The following TIPARP variants were observed in gnomAD, a reference collection of about 807,000 sequenced individuals.
The protein encoded by TIPARP is TCDD inducible poly(ADP-ribose) polymerase.
TIPARP carries 12 observed loss-of-function variants against 56.5 expected under a neutral mutation model. That is an observed-to-expected ratio of 0.21 (90% CI 0.14 to 0.34). The LOEUF is 0.34. Ranked by LOEUF, TIPARP falls within the 10% of genes least tolerant of loss-of-function variation. The pLI is 1.00. For missense variants in TIPARP, 604 were observed against 781.6 expected, an observed-to-expected ratio of 0.77 and a Z score of 2.71; for synonymous variants, 296 against 265.7, an observed-to-expected ratio of 1.11 and a Z score of -1.11.
At chr3:156,691,607 G>T (rs368413506) in intron 2 of TIPARP, among the ~76,000 whole-genome samples, 1 of 152,132 alleles carries the variant, frequency 6.6e-6, no homozygotes, top group African/African-American at 2.4e-5. Context: ...TGTGGTGGCT[G>T]TTGAACATTT....
At chr3:156,678,741 T>C in intron 2 of TIPARP, 127 bp downstream of exon 2, 1 of 773,936 alleles carries the variant, frequency 1.3e-6, no homozygotes, top group South Asian at 1.9e-5. Context: ...ATTATTCTTT[T>C]GACTGTGCTG....
intron 1 of TIPARP, among the ~76,000 whole-genome samples, chr3:156,676,389 A>G (rs2108484152): frequency 6.6e-6 from 1 of 152,340 alleles, no homozygotes; most frequent in African/African-American, 2.4e-5. Flanking sequence ...ACATAGATTT[A>G]TGACTCTCCA....
chr3:156,695,230 T>TTTATTTA (rs1722682490), intron 3 of TIPARP, among the ~76,000 whole-genome samples: 2 of 22,630 alleles, frequency 8.8e-5, no homozygotes, highest in Non-Finnish European at 2.0e-4. Context: ...TTATTTATTT[T>TTTATTTA]GAGAGAGAGG....
chr3:156,677,736 A>G lies in TIPARP; in HGVS notation c.39A>G (p.Val13=). The change falls in exon 2 of 6, where the codon GTA becomes GTG. Residue 13 remains valine, a synonymous_variant. Coordinates refer to ENST00000295924, the MANE Select transcript of TIPARP (RefSeq NM_015508.5). The part of the protein sequence containing the change: ...METTEPEPDC[V]VQPPSPPDDF... ...CCACCGAACCTGAGCCAGACTGTGT[A>G]GTGCAGCCTCCCTCTCCTCCTGATG... 2 of 1,612,272 alleles carry G rather than the reference A, an allele frequency of 1.2e-6. No homozygotes were observed. Among genetic ancestry groups the G allele is most frequent in the East Asian group, 2.2e-5 (1 of 44,886 alleles).
intron 2 of TIPARP, among the ~76,000 whole-genome samples, chr3:156,680,736 C>T (rs1722275615): frequency 6.6e-6 from 1 of 152,126 alleles, no homozygotes; most frequent in African/African-American, 2.4e-5. Context: ...GATTGTTTTG[C>T]TTAAGAATAG....
At position 156,678,005 on chromosome 3, in the gene TIPARP, C is replaced by CAG. The variant is rs758010468; in HGVS notation, c.310_311dup (p.Asn105LysfsTer7). The CAG allele has an allele frequency of 6.2e-7, 1 of 1,614,092 alleles. No individual in the cohort carries two copies. The highest frequency in any genetic ancestry group is 8.5e-7 in the Non-Finnish European group (1 of 1,180,028). The stretch of plus-strand genomic sequence containing the variant: ...GAAATCAATTCATCATGCCCACCAG[C>CAG]AGAAAATAATATGTCTGTTCTGATT... On this transcript the variant is annotated frameshift_variant, in exon 2 of 6. Transcript: ENST00000295924. LOFTEE classifies it high-confidence loss of function.
chr3:156,692,361 C>T (rs187509231), intron 2 of TIPARP, among the ~76,000 whole-genome samples: 239 of 151,828 alleles, frequency 1.6e-3, no homozygotes, highest in Non-Finnish European at 2.8e-3. Context: ...TTTGTTTTGT[C>T]GTGTTTGTTT....
chr3:156,690,041 C>T (rs1452435121), intron 2 of TIPARP, among the ~76,000 whole-genome samples: 2 of 152,090 alleles, frequency 1.3e-5, no homozygotes, highest in Admixed American at 1.3e-4. Flanking sequence ...GAGCCCAGTA[C>T]CAAATTAATG....
intron 2 of TIPARP, among the ~76,000 whole-genome samples, chr3:156,688,785 G>A (rs1378637505): frequency 4.6e-5 from 7 of 152,066 alleles, no homozygotes; most frequent in South Asian, 2.1e-4. Flanking sequence ...TATTTTGTTC[G>A]CCAGTGAAAT....
At chr3:156,694,924 A>T (rs940520233) in intron 3 of TIPARP, among the ~76,000 whole-genome samples, 15 of 152,216 alleles carry the variant, frequency 9.9e-5, no homozygotes, top group Admixed American at 3.3e-4. Flanking sequence ...TTTAAAGACA[A>T]TAGCAAAAGA....
chr3:156,696,781 T>C (rs1722723548), intron 4 of TIPARP, among the ~76,000 whole-genome samples: 1 of 152,214 alleles, frequency 6.6e-6, no homozygotes, highest in South Asian at 2.1e-4. Context: ...CAGTCAGATA[T>C]GCTATTTTTA....
At position 156,694,183 on chromosome 3, in the gene TIPARP, C is replaced by T. The variant is rs141280180; in HGVS notation, c.1081C>T (p.Pro361Ser). Residue 361 changes from proline (P) to serine (S), a missense_variant, in exon 3 of 6, where the codon CCC becomes TCC. Pro to Ser is a moderately conservative substitution (Grantham distance 74). Around this residue, in one of 4 missense-constraint regions of TIPARP, gnomAD observed 252 missense variants for 303.9 expected, o/e 0.83. Coordinates refer to ENST00000295924, the MANE Select transcript of TIPARP (RefSeq NM_015508.5). Reference sequence around the variant, plus strand: ...GGACCACTTTGGATGGAGAGAGTATCCCGAGGTATTTACAGATTCTTTGTT... The same window carrying T: ...GGACCACTTTGGATGGAGAGAGTATTCCGAGGTATTTACAGATTCTTTGTT... The part of the protein sequence containing the change: ...CRDHFGWREY[P>S]ESVIRLIEEA... The T allele has an allele frequency of 1.7e-5, 27 of 1,591,172 alleles. No homozygotes were observed. Among genetic ancestry groups the T allele is most frequent in the Non-Finnish European group, 2.3e-5 (27 of 1,172,790 alleles).
intron 2 of TIPARP, among the ~76,000 whole-genome samples, chr3:156,682,445 T>C (rs2108488237): frequency 6.6e-6 from 1 of 152,332 alleles, no homozygotes; most frequent in East Asian, 1.9e-4. Context: ...TGATTGCTAA[T>C]TGCCCTTAGA....
intron 1 of TIPARP, chr3:156,676,514 C>T (rs1242558319): frequency 6.6e-6 from 1 of 152,202 alleles, no homozygotes; most frequent in Admixed American, 6.5e-5. Flanking sequence ...ATTCAGCCAA[C>T]AAAATATATA....
chr3:156,674,755 C>T lies in TIPARP; in HGVS notation c.-83C>T, dbSNP rs1722068595. 1 of 152,508 alleles carries T rather than the reference C, an allele frequency of 6.6e-6. No homozygotes were observed. The highest frequency in any genetic ancestry group is 2.1e-4 in the South Asian group (1 of 4,844). 9.4% of individuals were successfully genotyped at this position (152,508 alleles called of 1,614,324 possible). ...TGATCTCCGGCGCGGGCACTGCTTT[C>T]CACTCGGCTCCTGTCGTCCGTTCTC... On this transcript the variant is annotated 5_prime_UTR_variant, in exon 1 of 6. Coordinates refer to ENST00000295924, the MANE Select transcript of TIPARP (RefSeq NM_015508.5).
chr3:156,693,156 T>A (rs1487826452), intron 2 of TIPARP, among the ~76,000 whole-genome samples: 1 of 152,002 alleles, frequency 6.6e-6, no homozygotes, highest in Non-Finnish European at 1.5e-5. Context: ...CTTTCAAACA[T>A]ACACAAAAAA....
intron 4 of TIPARP, among the ~76,000 whole-genome samples, chr3:156,702,019 C>CGGTGGTGGTGGTGGTGGTGGTGGT (rs67188281): frequency 1.0e-5 from 1 of 98,602 alleles, no homozygotes; most frequent in Admixed American, 1.2e-4. Context: ...GATGATAATG[C>CGGTGGTGGTGGTGGTGGTGGTGGT]GGTGGTGGTG....
rs1446583256 is a variant in TIPARP, at chr3:156,706,212, C to T, written c.*1081C>T. The T allele has an allele frequency of 2.0e-5, 3 of 152,582 alleles. No individual in the cohort carries two copies. Among genetic ancestry groups the T allele is most frequent in the African/African-American group, 7.2e-5 (3 of 41,426 alleles). 9.5% of individuals were successfully genotyped at this position (152,582 alleles called of 1,614,324 possible). On this transcript the variant is annotated 3_prime_UTR_variant, in exon 6 of 6. Transcript: ENST00000295924. ...CAAACTTGGAAATTGTGCCAGTGGTCCAGCTGGAGCACAACGTTTGGTGAA... is the reference window on the plus strand; with the variant it reads ...CAAACTTGGAAATTGTGCCAGTGGTTCAGCTGGAGCACAACGTTTGGTGAA...
intron 2 of TIPARP, among the ~76,000 whole-genome samples, chr3:156,690,038 G>A (rs2108492274): frequency 6.6e-6 from 1 of 152,190 alleles, no homozygotes; most frequent in East Asian, 1.9e-4. Context: ...GCAGAGCCCA[G>A]TACCAAATTA....
Sources: allele counts gnomAD v4.1 joint callset (sites outside exome capture counted in the v4.1 genomes callset), GRCh38; gene constraint gnomAD v4.1.1; regional missense constraint gnomAD v4.1.1; transcripts MANE v1.5; gene names NCBI Gene and HGNC (gene_info 2026-07-23, HGNC 2026-07-21).